ACTR3: variants seen among roughly 807,000 people sequenced by gnomAD.
ACTR3 encodes actin-related protein 3.
In ACTR3, 12 loss-of-function variants were observed where a neutral mutation model predicts 56.8. The observed-to-expected ratio is 0.21, with a 90% CI of 0.14 to 0.34. ACTR3 has a LOEUF of 0.34. Among genes scored for constraint, ACTR3 ranks in the 10% least tolerant of loss-of-function variants. The pLI is 1.00. For synonymous variants in ACTR3, 162 were observed against 167.4 expected (o/e 0.97, Z 0.25); for missense variants, 282 against 512.5 (o/e 0.55, Z 4.34).
chr2:113,896,665 G>C (rs1282832278), intron 1 of ACTR3, among the ~76,000 whole-genome samples: 2 of 152,242 alleles, frequency 1.3e-5, no homozygotes, highest in East Asian at 3.8e-4. Context: ...AAGCTAATAA[G>C]ATGAGAGCAT....
At chr2:113,945,007 G>A (rs1303680178) in intron 8 of ACTR3, among the ~76,000 whole-genome samples, 1 of 152,102 alleles carries the variant, frequency 6.6e-6, no homozygotes, top group Non-Finnish European at 1.5e-5. Context: ...AGAGGAGAGA[G>A]CAAGTCCTGA....
At chr2:113,890,862 C>G in intron 1 of ACTR3, 1 of 885,498 alleles carries the variant, frequency 1.1e-6, no homozygotes, top group Non-Finnish European at 1.4e-6. Context: ...AAAATGGGAA[C>G]CTACAGTGGG....
In ACTR3 at chr2:113,957,654, T is replaced by C; in HGVS notation, c.*199T>C. Reference sequence around the variant, plus strand: ...GAGCGAAAGTGATTGTGTTTTTCTTTAGATTGAATATTTGAATCTTATGTG... The same window carrying C: ...GAGCGAAAGTGATTGTGTTTTTCTTCAGATTGAATATTTGAATCTTATGTG... On this transcript the variant is annotated 3_prime_UTR_variant, in exon 12 of 12. Transcript: ENST00000263238. The C allele has an allele frequency of 2.1e-6, 1 of 467,878 alleles. No individual in the cohort carries two copies. Among genetic ancestry groups the C allele is most frequent in the Non-Finnish European group, 3.8e-6 (1 of 260,090 alleles). The allele number at this position is 467,878 out of a possible 1,614,324, so 29.0% of individuals were successfully genotyped here.
At chr2:113,953,809 G>C (rs1680163495) in intron 10 of ACTR3, 1 of 152,138 alleles carries the variant, frequency 6.6e-6, no homozygotes, top group Non-Finnish European at 1.5e-5. Flanking sequence ...TTGATCCAGT[G>C]TTATCTAGTT....
chr2:113,915,695 G>A (rs967910262), intron 2 of ACTR3, among the ~76,000 whole-genome samples: 1 of 152,070 alleles, frequency 6.6e-6, no homozygotes, highest in Non-Finnish European at 1.5e-5. Context: ...ATATAATCTT[G>A]ATTTTTTGAA....
chr2:113,896,079 T>G (rs1258121550), intron 1 of ACTR3, among the ~76,000 whole-genome samples: 3 of 152,194 alleles, frequency 2.0e-5, no homozygotes, highest in African/African-American at 7.2e-5. Flanking sequence ...CAGGCTGGTC[T>G]CAAACTTCTA....
intron 8 of ACTR3, chr2:113,951,236 G>A: frequency 3.3e-6 from 1 of 305,168 alleles, no homozygotes; most frequent in Admixed American, 4.4e-5. Context: ...CCAGATTTTT[G>A]CCAGCTCATA....
At chr2:113,951,619 A>T (rs1414940859) in intron 9 of ACTR3, 48 bp downstream of exon 9, 1 of 1,548,632 alleles carries the variant, frequency 6.5e-7, no homozygotes, top group Non-Finnish European at 8.9e-7. Flanking sequence ...AAAAAAACTT[A>T]AACACCTCTC....
rs1679259755 is a variant in ACTR3 at position 113,909,343 on chromosome 2, G to GC, written c.45-3827dup. On this transcript the variant is annotated intron_variant, in intron 1 of 11. Transcript: ENST00000263238. ...AGTAATTCATTGATGAATATACTCA[G>GC]CCTAGGAAATTTGATTTTGGCCAAG... is the stretch of plus-strand genomic sequence containing the variant. Among the ~76,000 whole-genome samples the GC allele has an allele frequency of 2.0e-5, 3 of 152,232 alleles. No homozygotes were observed. In the South Asian group the frequency reaches 6.2e-4, roughly 32 times the overall value.
chr2:113,932,678 C>T (rs1679744510), intron 5 of ACTR3, among the ~76,000 whole-genome samples: 1 of 152,084 alleles, frequency 6.6e-6, no homozygotes. Flanking sequence ...TAAAAGTGAT[C>T]AGAGATAATT....
intron 4 of ACTR3, 45 bp downstream of exon 4, chr2:113,927,500 CT>C (rs994609997): frequency 8.2e-7 from 1 of 1,225,196 alleles, no homozygotes; most frequent in African/African-American, 1.5e-5. Flanking sequence ...TTTGAATACA[CT>C]TAATGAGAAC....
At position 113,918,378 on chromosome 2, in the gene ACTR3, TTTTC is replaced by T. The variant is rs975279044; in HGVS notation, c.225+1378_225+1381del. 4.7e-5 allele frequency among the ~76,000 whole-genome samples: 7 copies of T among 148,922 alleles called. No individual in the cohort carries two copies. The Middle Eastern group carries it at 0.014, about 289-fold the overall frequency. On this transcript the variant is annotated intron_variant, in intron 3 of 11. Transcript: ENST00000263238. ...TTATTAGTACTTGAAGATTTTTTTC[TTTTC>T]TTTCTTTTTTTTTTTTTTTAAGACA...
At chr2:113,902,088 C>T (rs1224012463) in intron 1 of ACTR3, among the ~76,000 whole-genome samples, 1 of 152,152 alleles carries the variant, frequency 6.6e-6, no homozygotes, top group East Asian at 1.9e-4. Flanking sequence ...CTTACTTTAT[C>T]TTTCTTGTTT....
intron 6 of ACTR3, among the ~76,000 whole-genome samples, chr2:113,936,663 G>A (rs1679832788): frequency 6.6e-6 from 1 of 152,150 alleles, no homozygotes; most frequent in South Asian, 2.1e-4. Flanking sequence ...TTTGAGTGGT[G>A]TATTAGTTTG....
At chr2:113,951,403 A>C in intron 8 of ACTR3, 76 bp from the exon 9 acceptor site, 1 of 1,019,730 alleles carries the variant, frequency 9.8e-7, no homozygotes, top group Non-Finnish European at 1.5e-6. Flanking sequence ...TTGAACTGAA[A>C]ACTTTGTTTA....
At position 113,955,718 on chromosome 2, in the gene ACTR3, G is replaced by A. The variant is rs368685458; in HGVS notation, c.1161+12G>A. 85 of 1,586,768 alleles carry A rather than the reference G, an allele frequency of 5.4e-5. No homozygotes were observed. Among genetic ancestry groups the A allele is most frequent in the Non-Finnish European group, 7.3e-5 (85 of 1,159,182 alleles). On this transcript the variant is annotated intron_variant, in intron 11 of 11. Transcript: ENST00000263238. Reference sequence around the variant, plus strand: ...TGCTGGCTTCCACGGTGAGTGTGATGAAGCTTACTTTTATTTTATTTTATC... The same window carrying A: ...TGCTGGCTTCCACGGTGAGTGTGATAAAGCTTACTTTTATTTTATTTTATC...
At chr2:113,891,184 T>C (rs1050556586) in intron 1 of ACTR3, among the ~76,000 whole-genome samples, 1 of 152,180 alleles carries the variant, frequency 6.6e-6, no homozygotes, top group Admixed American at 6.5e-5. Flanking sequence ...TGTCCATTTA[T>C]ATGACTTAAA....
rs966289592 is a variant in ACTR3 at position 113,926,599 on chromosome 2, G to A, written c.226-746G>A. 2.0e-5 allele frequency among the ~76,000 whole-genome samples: 3 copies of A among 152,180 alleles called. 1 individual carries two copies. In the South Asian group the frequency reaches 6.2e-4, roughly 32 times the overall value. On this transcript the variant is annotated intron_variant, in intron 3 of 11. Transcript: ENST00000263238. Reference sequence around the variant, plus strand: ...TCATAACATGTTGGGGAATGGAAGAGGAAAGGGACAAAATACAAGGGACAA... The same window carrying A: ...TCATAACATGTTGGGGAATGGAAGAAGAAAGGGACAAAATACAAGGGACAA...
At chr2:113,921,762 G>A (rs1196420726) in intron 3 of ACTR3, among the ~76,000 whole-genome samples, 1 of 152,166 alleles carries the variant, frequency 6.6e-6, no homozygotes, top group African/African-American at 2.4e-5. Flanking sequence ...CTTGTGAGAC[G>A]TCTGAGATTT....
Sources: gnomAD v4.1 joint callset for allele counts (sites outside exome capture counted in the v4.1 genomes callset) on GRCh38, gnomAD v4.1.1 for gene constraint, MANE v1.5 for transcripts, NCBI Gene and HGNC (gene_info 2026-07-23, HGNC 2026-07-21) for gene names.